The following CDK14 variants were observed in gnomAD, a reference collection of about 807,000 sequenced individuals.
CDK14 encodes the protein cyclin-dependent kinase 14.
CDK14 carries 34 observed loss-of-function variants against 60.7 expected under a neutral mutation model. That is an observed-to-expected ratio of 0.56 (90% confidence interval 0.43 to 0.75). The LOEUF (loss-of-function observed/expected upper bound fraction) is 0.75, where lower values mean the gene tolerates loss of function less well. Among genes scored for constraint, CDK14 ranks in the 30% least tolerant of loss-of-function variants. The pLI is 0.00. For synonymous variants in CDK14, 197 were observed against 203.7 expected, an observed-to-expected ratio of 0.97 and a Z score of 0.28; for missense variants, 482 against 564.1, an observed-to-expected ratio of 0.85 and a Z score of 1.47.
chr7:90,596,730 G>A lies in CDK14; in HGVS notation c.91+12G>A, dbSNP rs529214292. ...TTTCAGTCGCATTGGTGAGTAGCGC[G>A]CTGCCCCCGGCCCCCCCAGCGCCCG... On this transcript the variant is annotated intron_variant, in intron 1 of 14. Coordinates refer to ENST00000380050, the MANE Select transcript of CDK14 (RefSeq NM_001287135.2). The A allele has an allele frequency of 3.7e-6, 6 of 1,602,488 alleles. No individual in the cohort carries two copies. The East Asian group carries it at 1.3e-4, about 36-fold the overall frequency.
Position 90,709,188 on chromosome 7 carries a change from T to G in CDK14, c.124-17379T>G, listed in dbSNP as rs994378082. The stretch of plus-strand genomic sequence containing the variant: ...TTTTTTTAACCACATATTTGGTGCG[T>G]GGTTATTTTAGACTTCTCATCATAC... On this transcript the variant is annotated intron_variant, in intron 2 of 14. Transcript: ENST00000380050. 3.3e-5 allele frequency: 8 copies of G among 240,956 alleles called. No individual in the cohort carries two copies. In the Admixed American group the frequency reaches 4.4e-4, roughly 13 times the overall value. 14.9% of individuals were successfully genotyped at this position (240,956 alleles called of 1,614,324 possible).
intron 5 of CDK14, among the ~76,000 whole-genome samples, chr7:90,794,771 T>C (rs1242766956): frequency 6.6e-6 from 1 of 152,172 alleles, no homozygotes; most frequent in Non-Finnish European, 1.5e-5. Context: ...GATGATGGGA[T>C]TAAGAGATTA....
chr7:90,797,256 G>T (rs1242827775), intron 5 of CDK14, among the ~76,000 whole-genome samples: 1 of 151,710 alleles, frequency 6.6e-6, no homozygotes, highest in Non-Finnish European at 1.5e-5. Context: ...AATGAGGAAA[G>T]ATCTGTGCCA....
At chr7:90,803,609 A>C (rs2117012303) in intron 5 of CDK14, among the ~76,000 whole-genome samples, 1 of 152,270 alleles carries the variant, frequency 6.6e-6, no homozygotes, top group Non-Finnish European at 1.5e-5. Context: ...AGTATAAGAA[A>C]GACAATGAGT....
chr7:90,957,855 T>C (rs1794478399), intron 9 of CDK14, among the ~76,000 whole-genome samples: 1 of 151,970 alleles, frequency 6.6e-6, no homozygotes, highest in South Asian at 2.1e-4. Flanking sequence ...AAAACTACTT[T>C]AAAGTTCATA....
At position 90,726,761 on chromosome 7, in the gene CDK14, C is replaced by T; in HGVS notation, c.318C>T (p.Ser106=). The T allele has an allele frequency of 6.2e-7, 1 of 1,613,758 alleles. No homozygotes were observed. Among genetic ancestry groups the T allele is most frequent in the Non-Finnish European group, 8.5e-7 (1 of 1,179,814 alleles). ...ENNACINFKT[S]STGKESPKVR... ...ATGCTTGCATTAACTTTAAGACCTC[C>T]TCCACTGGCAAAGAGTCACCTAAAG... The change falls in exon 3 of 15, where the codon TCC becomes TCT. Residue 106 remains serine (S), a synonymous_variant. Transcript: ENST00000380050.
In CDK14 at chr7:90,649,256, C is replaced by CTTTCTTTGTTTCTTTGTTTCTTTG. The variant is rs1563029644; in HGVS notation, c.123+45014_123+45015insGTTTCTTTGTTTCTTTGTTTCTTT. 3.6e-4 allele frequency among the ~76,000 whole-genome samples: 17 copies of CTTTCTTTGTTTCTTTGTTTCTTTG among 47,348 alleles called. 1 individual carries two copies. The highest frequency in any genetic ancestry group is 1.1e-3 in the African/African-American group (15 of 13,470). The allele number at this position is 47,348 out of a possible 152,430, so 31.1% of individuals were successfully genotyped here. ...CTATAGTTTCTTTCTTTCTTTCTTT[C>CTTTCTTTGTTTCTTTGTTTCTTTG]TTTCTTTCTTTCTTTCTTTCTTTCT... On this transcript the variant is annotated intron_variant, in intron 2 of 14. Coordinates refer to ENST00000380050, the MANE Select transcript of CDK14 (RefSeq NM_001287135.2).
At chr7:90,731,460 C>A (rs1198346986) in intron 3 of CDK14, among the ~76,000 whole-genome samples, 1 of 152,188 alleles carries the variant, frequency 6.6e-6, no homozygotes, top group African/African-American at 2.4e-5. Flanking sequence ...GATATTGATT[C>A]TTCATATCCA....
intron 4 of CDK14, among the ~76,000 whole-genome samples, chr7:90,777,783 C>T (rs1474957293): frequency 6.6e-6 from 1 of 152,222 alleles, no homozygotes; most frequent in East Asian, 1.9e-4. Context: ...CCTCACATCA[C>T]TGTGTCATAT....
chr7:91,127,845 T>TTTATAAAAA (rs1365770754), intron 14 of CDK14, among the ~76,000 whole-genome samples: 1 of 152,150 alleles, frequency 6.6e-6, no homozygotes, highest in African/African-American at 2.4e-5. Flanking sequence ...GAGAACACAG[T>TTTATAAAAA]GGCAAAACAG....
chr7:91,105,308 G>A (rs549787067), intron 12 of CDK14, among the ~76,000 whole-genome samples: 1 of 152,150 alleles, frequency 6.6e-6, no homozygotes, highest in Non-Finnish European at 1.5e-5. Flanking sequence ...ACACAGAGTG[G>A]GGACCCTCAA....
intron 11 of CDK14, among the ~76,000 whole-genome samples, chr7:91,070,099 T>G (rs1798094799): frequency 6.6e-6 from 1 of 152,074 alleles, no homozygotes; most frequent in Non-Finnish European, 1.5e-5. Flanking sequence ...ACCCAGCCTG[T>G]GTATTGTGTT....
intron 10 of CDK14, among the ~76,000 whole-genome samples, chr7:91,015,580 T>A (rs1796280481): frequency 7.8e-6 from 1 of 128,946 alleles, no homozygotes; most frequent in South Asian, 2.6e-4. Context: ...CAGGCTGGAG[T>A]GCAGTGGCAT....
At chr7:91,003,530 C>G (rs1795898249) in intron 10 of CDK14, among the ~76,000 whole-genome samples, 1 of 152,166 alleles carries the variant, frequency 6.6e-6, no homozygotes, top group African/African-American at 2.4e-5. Flanking sequence ...ATGGGCTGTG[C>G]TGCATGAAGT....
At chr7:90,939,657 C>T in intron 8 of CDK14, among the ~76,000 whole-genome samples, 1 of 152,192 alleles carries the variant, frequency 6.6e-6, no homozygotes, top group South Asian at 2.1e-4. Flanking sequence ...AGTTTTGAAA[C>T]TTTCATCATC....
chr7:90,662,736 A>C (rs569420311), intron 2 of CDK14, among the ~76,000 whole-genome samples: 1 of 152,176 alleles, frequency 6.6e-6, no homozygotes, highest in Non-Finnish European at 1.5e-5. Flanking sequence ...TTGCCTTTTA[A>C]TTTTTTATAG....
intron 14 of CDK14, among the ~76,000 whole-genome samples, chr7:91,128,449 G>A (rs956308604): frequency 6.6e-6 from 1 of 152,138 alleles, no homozygotes; most frequent in Non-Finnish European, 1.5e-5. Flanking sequence ...TGGTCCAGAA[G>A]CTGGCCTTGA....
At chr7:90,864,129 T>TA (rs202072925) in intron 6 of CDK14, among the ~76,000 whole-genome samples, 219 of 146,032 alleles carry the variant, frequency 1.5e-3, no homozygotes, top group Middle Eastern at 3.5e-3. Context: ...CATTTTTCCT[T>TA]AAAAAAAAAA....
intron 11 of CDK14, among the ~76,000 whole-genome samples, chr7:91,047,955 C>G (rs1797288257): frequency 6.6e-6 from 1 of 152,138 alleles, no homozygotes; most frequent in South Asian, 2.1e-4. Context: ...AGGAAAATAT[C>G]AGTGCTAGGG....
Sources: allele counts gnomAD v4.1 joint callset (sites outside exome capture counted in the v4.1 genomes callset), GRCh38; gene constraint gnomAD v4.1.1; transcripts MANE v1.5; gene names NCBI Gene and HGNC (gene_info 2026-07-23, HGNC 2026-07-21).